FAT2: variants seen among roughly 807,000 people sequenced by gnomAD.
The protein encoded by FAT2 is protocadherin Fat 2.
Under a neutral mutation model 295.3 loss-of-function variants are expected in FAT2, and 150 were observed. The ratio of observed to expected loss-of-function variants is 0.51; its 90% CI spans 0.44 to 0.58. The LOEUF (loss-of-function observed/expected upper bound fraction) is 0.58, where lower values mean the gene tolerates loss of function less well. Among genes scored for constraint, FAT2 ranks in the 20% least tolerant of loss-of-function variants. The pLI, the probability that FAT2 is intolerant of heterozygous loss-of-function variation, is 0.00. For missense variants in FAT2, 4,868 were observed against 5,442.7 expected (o/e 0.89, Z 3.32); for synonymous variants, 2,026 against 2,150.3 (o/e 0.94, Z 1.60).
chr5:151,575,865 G>T (rs1342302282), intron 1 of FAT2, among the ~76,000 whole-genome samples: 1 of 152,204 alleles, frequency 6.6e-6, no homozygotes, highest in Non-Finnish European at 1.5e-5. Context: ...AGCCATGCAT[G>T]GCTGGCTATT....
At chr5:151,519,539 C>T (rs1485910429) in intron 19 of FAT2, among the ~76,000 whole-genome samples, 1 of 152,100 alleles carries the variant, frequency 6.6e-6, no homozygotes, top group African/African-American at 2.4e-5. Context: ...TTCAGTAGTT[C>T]TGGGTGGCAC....
chr5:151,528,366 G>T (rs770949975), intron 15 of FAT2, among the ~76,000 whole-genome samples: 2 of 152,190 alleles, frequency 1.3e-5, no homozygotes, highest in Non-Finnish European at 2.9e-5. Flanking sequence ...GCTAGGCCCT[G>T]TCCTAGAATG....
chr5:151,532,031 G>A (rs1044019238), intron 13 of FAT2, 61 bp from the exon 14 acceptor site: 68 of 1,578,824 alleles, frequency 4.3e-5, no homozygotes, highest in Admixed American at 7.1e-5. Context: ...CCTGCCTGCA[G>A]CAAACCCTGC....
In FAT2 at chr5:151,542,698, A is replaced by T. The variant is rs200741858; in HGVS notation, c.8429T>A (p.Met2810Lys). 41 of 1,614,110 alleles carry T rather than the reference A, an allele frequency of 2.5e-5. No individual in the cohort carries two copies. Among genetic ancestry groups the T allele is most frequent in the Non-Finnish European group, 3.5e-5 (41 of 1,180,038 alleles). ...DPYKAVLTEN[M>K]PVGTSVIQVT... is the part of the protein sequence containing the mutation. ...TTGAATGACTGAGGTCCCCACTGGCATATTCTCAGTGAGGACAGCCTTATA... is the reference window on the plus strand; with the variant it reads ...TTGAATGACTGAGGTCCCCACTGGCTTATTCTCAGTGAGGACAGCCTTATA... Residue 2810 changes from methionine (M) to lysine (K), a missense_variant, in exon 10 of 24, where the codon ATG (methionine) becomes AAG (lysine). Physicochemically the swap from Met to Lys is moderately conservative, Grantham distance 95 (BLOSUM62 -1). Coordinates refer to ENST00000261800, the MANE Select transcript of FAT2 (RefSeq NM_001447.3).
chr5:151,529,266 T>A lies in FAT2; in HGVS notation c.9938A>T (p.Asp3313Val), dbSNP rs1440688177. 3.1e-6 allele frequency: 5 copies of A among 1,614,028 alleles called. No homozygotes were observed. The highest frequency in any genetic ancestry group is 1.6e-4 in the Middle Eastern group (1 of 6,078). The part of the protein sequence containing the change: ...DVTTVMVNIT[D>V]VNEHRPQFPQ... ...GAATTGGGGCCGGTGTTCATTGACA[T>A]CAGTGATGTTGACCATGACTGTGGT... is the stretch of plus-strand genomic sequence containing the variant. Residue 3313 changes from aspartate (D) to valine (V), a missense_variant, in exon 15 of 24, where the codon GAT becomes GTT. Coordinates refer to ENST00000261800, the MANE Select transcript of FAT2 (RefSeq NM_001447.3).
At position 151,565,749 on chromosome 5, in the gene FAT2, A is replaced by G; in HGVS notation, c.3183T>C (p.Ser1061=). ...VIVVAAQDDD[S]GLDGELQYFL... is the part of the protein sequence containing the mutation. ...AGTACTGGAGCTCCCCATCCAAGCC[A>G]CTGTCATCGTCCTGGGCAGCCACTA... is the stretch of plus-strand genomic sequence containing the variant. The change falls in exon 2 of 24, where the codon AGT becomes AGC. Residue 1061 remains serine, a synonymous_variant. Transcript: ENST00000261800. 6.4e-7 allele frequency: 1 copy of G among 1,551,872 alleles called. No individual in the cohort carries two copies. The highest frequency in any genetic ancestry group is 8.8e-7 in the Non-Finnish European group (1 of 1,141,732).
chr5:151,593,089 A>G (rs941715756), upstream of FAT2, among the ~76,000 whole-genome samples: 9 of 152,194 alleles, frequency 5.9e-5, no homozygotes, highest in Non-Finnish European at 1.2e-4. Flanking sequence ...TCCGCCCCGG[A>G]TGAGAGGCCC....
intron 12 of FAT2, 49 bp from the exon 13 acceptor site, chr5:151,534,691 C>T (rs971350033): frequency 4.0e-6 from 6 of 1,514,134 alleles, no homozygotes; most frequent in Non-Finnish European, 5.5e-6. Context: ...GAAATATTAC[C>T]CAAGCATGTG....
intron 1 of FAT2, among the ~76,000 whole-genome samples, chr5:151,581,026 C>T (rs1758935346): frequency 2.0e-5 from 3 of 152,198 alleles, no homozygotes; most frequent in Non-Finnish European, 4.4e-5. Flanking sequence ...TGGCCACTCC[C>T]AACCAGGTTC....
intron 23 of FAT2, 151 bp downstream of exon 23, chr5:151,507,003 C>T: frequency 4.6e-6 from 3 of 646,158 alleles, no homozygotes; most frequent in South Asian, 2.3e-5. Context: ...AGCATCCGTG[C>T]CCTGTAATCT....
chr5:151,590,865 A>G (rs1410257789), intron 1 of FAT2, among the ~76,000 whole-genome samples: 2 of 152,218 alleles, frequency 1.3e-5, no homozygotes, highest in Non-Finnish European at 2.9e-5. Flanking sequence ...CAAGAATCCA[A>G]CTTTCCACGT....
Position 151,540,695 on chromosome 5 carries a change from TCTTC to T in FAT2, c.8907_8910del (p.Lys2970ProfsTer61). 6.2e-7 allele frequency: 1 copy of T among 1,614,176 alleles called. No individual in the cohort carries two copies. The highest frequency in any genetic ancestry group is 8.5e-7 in the Non-Finnish European group (1 of 1,180,030). ...TTGGCTGTATGCTCGCGGTCCAGGG[TCTTC>T]CTTGAGGAAATCCTCCACTCATCTC... On this transcript the variant is annotated frameshift_variant, in exon 11 of 24. Coordinates refer to ENST00000261800, the MANE Select transcript of FAT2 (RefSeq NM_001447.3). LOFTEE classifies it high-confidence loss of function.
At chr5:151,537,313 A>AAGAG (rs139298128) in intron 12 of FAT2, among the ~76,000 whole-genome samples, 1,226 of 48,930 alleles carry the variant, frequency 0.025, 22 homozygotes, top group African/African-American at 0.068. Flanking sequence ...AGGGAAGAAA[A>AAGAG]AGAAAGAGAA....
At chr5:151,526,030 G>T (rs558363681) in intron 17 of FAT2, 65 bp from the exon 18 acceptor site, 1 of 1,478,530 alleles carries the variant, frequency 6.8e-7, no homozygotes, top group Non-Finnish European at 9.3e-7. Context: ...TTTCGCACGT[G>T]TCTGGGTATG....
upstream of FAT2, among the ~76,000 whole-genome samples, chr5:151,591,460 G>C (rs936177169): frequency 2.0e-5 from 3 of 152,190 alleles, no homozygotes; most frequent in Admixed American, 6.5e-5. Flanking sequence ...CAGAACTCAC[G>C]GTGGGGAATC....
chr5:151,523,062 A>G (rs574415230), intron 18 of FAT2, among the ~76,000 whole-genome samples: 8 of 152,302 alleles, frequency 5.3e-5, no homozygotes, highest in Non-Finnish European at 8.8e-5. Flanking sequence ...TCACTTCCTC[A>G]GCTGTCAACG....
rs1380010933 is a variant in FAT2 at position 151,567,564 on chromosome 5, G to T, written c.1368C>A (p.Pro456=). ...IDIVDCNNHA[P]LFNRSSYDGT... Reference sequence around the variant, plus strand: ...CATCATAGGAAGACCTGTTGAAGAGGGGGGCATGGTTGTTGCAGTCCACAA... The same window carrying T: ...CATCATAGGAAGACCTGTTGAAGAGTGGGGCATGGTTGTTGCAGTCCACAA... The change falls in exon 2 of 24, where the codon CCC becomes CCA. Residue 456 remains proline, a synonymous_variant. Coordinates refer to ENST00000261800, the MANE Select transcript of FAT2 (RefSeq NM_001447.3). 6.2e-7 allele frequency: 1 copy of T among 1,614,158 alleles called. No homozygotes were observed. The highest frequency in any genetic ancestry group is 8.5e-7 in the Non-Finnish European group (1 of 1,180,024).
Position 151,554,458 on chromosome 5 carries a change from G to A in FAT2, c.3849C>T (p.Ile1283=), listed in dbSNP as rs749073196. The A allele has an allele frequency of 2.5e-5, 40 of 1,614,054 alleles. No individual in the cohort carries two copies. The highest frequency in any genetic ancestry group is 3.3e-5 in the Admixed American group (2 of 60,008). ...TGAAGGCCTCCTCATCGCTGTCCTC[G>A]ATACTGTAGGTGACTCTGCCATTAA... ...EGLNGRVTYS[I]EDSDEEAFSI... Residue 1283 remains isoleucine, a synonymous_variant, in exon 5 of 24, where the codon ATC becomes ATT. Transcript: ENST00000261800.
Position 151,530,215 on chromosome 5 carries a change from T to C in FAT2, c.9812-823A>G, listed in dbSNP as rs138791613. On this transcript the variant is annotated intron_variant, in intron 14 of 23. Transcript: ENST00000261800. The stretch of plus-strand genomic sequence containing the variant: ...TATATTCATATATAATGGATCAGGT[T>C]GACAACACCTGAACTTACCATCTAT... Among the ~76,000 whole-genome samples the C allele has an allele frequency of 8.0e-4, 121 of 151,734 alleles. 1 individual carries two copies. The highest frequency in any genetic ancestry group is 4.7e-3 in the Admixed American group (72 of 15,222).
Sources: allele counts gnomAD v4.1 joint callset (sites outside exome capture counted in the v4.1 genomes callset), GRCh38; gene constraint gnomAD v4.1.1; transcripts MANE v1.5; gene names NCBI Gene and HGNC (gene_info 2026-07-23, HGNC 2026-07-21).